Variants in SLC4A10 observed in about 807,000 individuals in gnomAD.
SLC4A10 encodes sodium-driven chloride bicarbonate exchanger.
SLC4A10 carries 42 observed loss-of-function variants against 137.7 expected under a neutral mutation model. The observed-to-expected ratio is 0.30, with a 90% CI of 0.24 to 0.39. SLC4A10 has a LOEUF of 0.39. Ranked by LOEUF, SLC4A10 falls within the 10% of genes least tolerant of loss-of-function variation. The pLI is 1.00. For synonymous variants in SLC4A10, 474 were observed against 464.1 expected, an observed-to-expected ratio of 1.02 and a Z score of -0.27; for missense variants, 925 against 1,355.0, an observed-to-expected ratio of 0.68 and a Z score of 4.98.
chr2:161,715,909 A>G (rs2044816162), intron 1 of SLC4A10, among the ~76,000 whole-genome samples: 1 of 152,136 alleles, frequency 6.6e-6, no homozygotes, highest in Non-Finnish European at 1.5e-5. Context: ...GAATTGCCAC[A>G]CTGTTTTCTA....
At chr2:161,841,615 C>T (rs1055502970) in intron 4 of SLC4A10, among the ~76,000 whole-genome samples, 8 of 152,056 alleles carry the variant, frequency 5.3e-5, no homozygotes, top group African/African-American at 1.9e-4. Flanking sequence ...AACAATGGCC[C>T]AGTTAATTCT....
At chr2:161,956,592 T>C (rs918481968) in intron 19 of SLC4A10, among the ~76,000 whole-genome samples, 1 of 152,090 alleles carries the variant, frequency 6.6e-6, no homozygotes, top group Non-Finnish European at 1.5e-5. Context: ...TCCTACCTGG[T>C]CCTAGGAGGC....
chr2:161,765,290 C>T (rs1022848866), intron 1 of SLC4A10, among the ~76,000 whole-genome samples: 6 of 152,096 alleles, frequency 3.9e-5, no homozygotes, highest in East Asian at 3.9e-4. Context: ...TATTACTTAC[C>T]GGAATTGATT....
chr2:161,905,355 T>C (rs1027629172), intron 14 of SLC4A10, among the ~76,000 whole-genome samples: 2 of 152,188 alleles, frequency 1.3e-5, no homozygotes, highest in African/African-American at 4.8e-5. Context: ...ATAGGGCTTG[T>C]GCTCCTATGA....
At chr2:161,713,149 A>G (rs2044474949) in intron 1 of SLC4A10, among the ~76,000 whole-genome samples, 1 of 151,878 alleles carries the variant, frequency 6.6e-6, no homozygotes. Context: ...TTTTGGCTAT[A>G]GCCTAGTGGG....
chr2:161,754,001 T>C (rs900523163), intron 1 of SLC4A10, among the ~76,000 whole-genome samples: 1 of 151,966 alleles, frequency 6.6e-6, no homozygotes, highest in Non-Finnish European at 1.5e-5. Context: ...GTGATTCTCC[T>C]GCCTCAGCCT....
At chr2:161,841,481 T>A (rs1346022946) in intron 4 of SLC4A10, among the ~76,000 whole-genome samples, 2 of 152,222 alleles carry the variant, frequency 1.3e-5, no homozygotes, top group East Asian at 3.9e-4. Flanking sequence ...GTCCTCAGAT[T>A]GCAATTGCTG....
chr2:161,843,768 T>C (rs1031904621), intron 4 of SLC4A10, among the ~76,000 whole-genome samples: 15 of 152,130 alleles, frequency 9.9e-5, no homozygotes, highest in African/African-American at 3.6e-4. Flanking sequence ...TTGATTAGTA[T>C]TCCAGATGGG....
chr2:161,693,401 A>G (rs1240394730), intron 1 of SLC4A10, among the ~76,000 whole-genome samples: 1 of 152,092 alleles, frequency 6.6e-6, no homozygotes, highest in Non-Finnish European at 1.5e-5. Context: ...GGTTAAAAGT[A>G]TGGATCTGAA....
intron 2 of SLC4A10, among the ~76,000 whole-genome samples, chr2:161,794,684 G>A (rs1462035548): frequency 2.6e-5 from 4 of 152,136 alleles, no homozygotes; most frequent in African/African-American, 7.2e-5. Flanking sequence ...ATGTTCACAC[G>A]AGGCATGAGG....
intron 15 of SLC4A10, among the ~76,000 whole-genome samples, chr2:161,931,005 C>T (rs760749189): frequency 6.6e-6 from 1 of 152,104 alleles, no homozygotes; most frequent in Non-Finnish European, 1.5e-5. Context: ...AATCTTGGCT[C>T]ACTGCAACCT....
intron 15 of SLC4A10, among the ~76,000 whole-genome samples, chr2:161,942,092 T>C (rs1206007151): frequency 6.6e-6 from 1 of 152,172 alleles, no homozygotes; most frequent in Non-Finnish European, 1.5e-5. Flanking sequence ...TTTTCTATAG[T>C]AATAACCTTA....
At chr2:161,923,055 C>G (rs1688427687) in intron 15 of SLC4A10, among the ~76,000 whole-genome samples, 1 of 152,168 alleles carries the variant, frequency 6.6e-6, no homozygotes, top group Non-Finnish European at 1.5e-5. Flanking sequence ...TTATGTTTTC[C>G]AGAAGACAGC....
intron 23 of SLC4A10, among the ~76,000 whole-genome samples, chr2:161,970,110 T>C (rs1184980670): frequency 6.6e-6 from 1 of 152,156 alleles, no homozygotes; most frequent in Non-Finnish European, 1.5e-5. Flanking sequence ...GTGCTAAAGT[T>C]TGAGATAAGT....
chr2:161,859,856 T>C (rs1039405525), intron 5 of SLC4A10, among the ~76,000 whole-genome samples: 1 of 152,054 alleles, frequency 6.6e-6, no homozygotes, highest in Non-Finnish European at 1.5e-5. Context: ...CGCCTCGGCC[T>C]CCCAAAGTGC....
chr2:161,680,610 CATT>C (rs1252988604), intron 1 of SLC4A10, among the ~76,000 whole-genome samples: 1 of 151,908 alleles, frequency 6.6e-6, no homozygotes, highest in East Asian at 1.9e-4. Context: ...ACGAGGGAGT[CATT>C]ATAGGTTTGA....
chr2:161,869,606 A>G (rs567678255), intron 6 of SLC4A10, among the ~76,000 whole-genome samples: 1 of 151,718 alleles, frequency 6.6e-6, no homozygotes, highest in South Asian at 2.1e-4. Flanking sequence ...ATTTTTAAAT[A>G]GTATCTATAC....
intron 2 of SLC4A10, among the ~76,000 whole-genome samples, chr2:161,789,639 C>G (rs1453404968): frequency 6.6e-6 from 1 of 152,180 alleles, no homozygotes; most frequent in Non-Finnish European, 1.5e-5. Flanking sequence ...TATGGTACCA[C>G]TATTTTATAT....
At chr2:161,666,449 G>C (rs1048138191) in intron 1 of SLC4A10, among the ~76,000 whole-genome samples, 8 of 151,534 alleles carry the variant, frequency 5.3e-5, no homozygotes, top group Non-Finnish European at 1.0e-4. Context: ...TGCAGCCAAG[G>C]TATTAGCACA....
Sources: gnomAD v4.1 joint callset for allele counts (sites outside exome capture counted in the v4.1 genomes callset) on GRCh38, gnomAD v4.1.1 for gene constraint, MANE v1.5 for transcripts, NCBI Gene and HGNC (gene_info 2026-07-23, HGNC 2026-07-21) for gene names.